LRCH1: variants seen among roughly 807,000 people sequenced by gnomAD.
The protein encoded by LRCH1 is leucine-rich repeat and calponin homology domain-containing protein 1.
Under a neutral mutation model 94.9 loss-of-function variants are expected in LRCH1, and 23 were observed. The observed-to-expected ratio is 0.24, with a 90% CI of 0.17 to 0.34. The LOEUF is 0.34. Ranked by LOEUF, LRCH1 falls within the 10% of genes least tolerant of loss-of-function variation. The pLI, the probability that LRCH1 is intolerant of heterozygous loss-of-function variation, is 1.00. For missense variants in LRCH1, 790 were observed against 945.9 expected, an observed-to-expected ratio of 0.84 and a Z score of 2.16; for synonymous variants, 364 against 354.9, an observed-to-expected ratio of 1.03 and a Z score of -0.29.
chr13:46,553,534 TGGTGGCGGC>T lies in LRCH1; in HGVS notation c.145_153del (p.Gly49_Gly51del). 1.3e-6 allele frequency: 2 copies of T among 1,544,968 alleles called. No individual in the cohort carries two copies. The highest frequency in any genetic ancestry group is 1.7e-6 in the Non-Finnish European group (2 of 1,143,944). The stretch of plus-strand genomic sequence containing the variant: ...GAACCGGCGCCCCCGGCGGGGCGGG[TGGTGGCGGC>T]GGTGGCAGCGGGGGCTTCAACCTGC... On this transcript the variant is annotated inframe_deletion, in exon 1 of 20. Transcript: ENST00000389797.
Position 46,638,844 on chromosome 13 carries a change from CA to C in LRCH1, c.308-11353del, listed in dbSNP as rs2051124410. Among the ~76,000 whole-genome samples, 5 of 152,194 alleles carry C rather than the reference CA, an allele frequency of 3.3e-5. No individual in the cohort carries two copies. The South Asian group carries it at 1.0e-3, about 32-fold the overall frequency. ...ATACGTGGACGTGCTGTTTATACTACAAAACCTCTAGATCCTCTTTACCTTT... is the reference window on the plus strand; with the variant it reads ...ATACGTGGACGTGCTGTTTATACTACAAACCTCTAGATCCTCTTTACCTTT... On this transcript the variant is annotated intron_variant, in intron 1 of 19. Coordinates refer to ENST00000389797, the MANE Select transcript of LRCH1 (RefSeq NM_001164211.2).
At chr13:46,672,595 G>T (rs1307903697) in intron 3 of LRCH1, among the ~76,000 whole-genome samples, 1 of 152,146 alleles carries the variant, frequency 6.6e-6, no homozygotes, top group Non-Finnish European at 1.5e-5. Flanking sequence ...CAGCTGCAGG[G>T]CTGACGTGTA....
At chr13:46,677,145 C>T (rs952476368) in intron 3 of LRCH1, among the ~76,000 whole-genome samples, 1 of 151,388 alleles carries the variant, frequency 6.6e-6, no homozygotes, top group Non-Finnish European at 1.5e-5. Flanking sequence ...CACGGTGGCT[C>T]ACGCCTGTAA....
chr13:46,667,860 C>G lies in LRCH1; in HGVS notation c.453-1170C>G, dbSNP rs368521276. On this transcript the variant is annotated intron_variant, in intron 2 of 19. Transcript: ENST00000389797. ...TAAAAACCATCCATTGTACCTATAC[C>G]CGAAGAGGAGTACCGATAGTATTTT... Among the ~76,000 whole-genome samples the G allele has an allele frequency of 1.2e-3, 185 of 152,214 alleles. 1 individual carries two copies. The highest frequency in any genetic ancestry group is 3.4e-3 in the Middle Eastern group (1 of 294).
intron 2 of LRCH1, among the ~76,000 whole-genome samples, chr13:46,650,640 G>A (rs574553695): frequency 1.4e-5 from 2 of 144,084 alleles, no homozygotes; most frequent in Admixed American, 1.5e-4. Context: ...TAGTTATGTT[G>A]TCTTCAAGTA....
intron 9 of LRCH1, among the ~76,000 whole-genome samples, chr13:46,696,193 TGTACAC>T (rs1392023374): frequency 8.1e-6 from 1 of 123,644 alleles, no homozygotes; most frequent in Non-Finnish European, 1.6e-5. Context: ...CATGCATGTG[TGTACAC>T]ACACACACAC....
At chr13:46,646,628 T>C (rs1400056128) in intron 1 of LRCH1, among the ~76,000 whole-genome samples, 1 of 152,236 alleles carries the variant, frequency 6.6e-6, no homozygotes, top group Non-Finnish European at 1.5e-5. Context: ...GCTTCATTCA[T>C]TTTTATGGCT....
rs567906969 is a variant in LRCH1, at chr13:46,563,874, G to C, written c.307+10171G>C. 1.7e-3 allele frequency among the ~76,000 whole-genome samples: 260 copies of C among 152,252 alleles called. 2 individuals are homozygous for C. Among genetic ancestry groups the C allele is most frequent in the Non-Finnish European group, 1.1e-3 (76 of 68,024 alleles). ...GGCAGTAGGTGCCAGAGCCAGGGCA[G>C]AGTCTCCCAGGCTCACATCAAAGGG... On this transcript the variant is annotated intron_variant, in intron 1 of 19. Transcript: ENST00000389797.
intron 3 of LRCH1, among the ~76,000 whole-genome samples, chr13:46,670,923 CT>C (rs2051592571): frequency 6.6e-6 from 1 of 152,170 alleles, no homozygotes; most frequent in African/African-American, 2.4e-5. Context: ...CCGTTTAATC[CT>C]GCTGAAGTCT....
intron 19 of LRCH1, 76 bp downstream of exon 19, chr13:46,734,074 C>T (rs1182755584): frequency 1.2e-5 from 8 of 676,466 alleles, no homozygotes; most frequent in Admixed American, 9.0e-5. Context: ...ACCATTGAAT[C>T]GATGCAAAGC....
intron 1 of LRCH1, among the ~76,000 whole-genome samples, chr13:46,593,282 CCT>C (rs140031344): frequency 2.1e-5 from 2 of 96,788 alleles, no homozygotes; most frequent in South Asian, 4.0e-4. Flanking sequence ...TTCTTTCTTT[CCT>C]TTTTTTTTTT....
chr13:46,696,195 TACACACACACACACACAC>T (rs10553999), intron 9 of LRCH1, among the ~76,000 whole-genome samples: 155 of 147,202 alleles, frequency 1.1e-3, no homozygotes, highest in Non-Finnish European at 1.9e-3. Flanking sequence ...TGCATGTGTG[TACACACACACACACACAC>T]ACACACACAC....
chr13:46,576,724 CTG>C (rs56737022), intron 1 of LRCH1, among the ~76,000 whole-genome samples: 55,264 of 152,066 alleles, frequency 0.36, 11,808 homozygotes, highest in East Asian at 0.48. Flanking sequence ...TTGCACTTCT[CTG>C]TCTACAGTCT....
intron 2 of LRCH1, among the ~76,000 whole-genome samples, chr13:46,663,400 G>C (rs75828650): frequency 0.027 from 4,161 of 152,240 alleles, 145 homozygotes; most frequent in African/African-American, 0.086. Flanking sequence ...TGTAGGGGAA[G>C]GGCAGGCAAT....
intron 3 of LRCH1, among the ~76,000 whole-genome samples, chr13:46,676,568 T>C (rs1476917977): frequency 6.6e-6 from 1 of 152,166 alleles, no homozygotes; most frequent in African/African-American, 2.4e-5. Context: ...ATTAGTAGCT[T>C]GCAGTTCCTG....
At chr13:46,602,869 A>G (rs1356419774) in intron 1 of LRCH1, among the ~76,000 whole-genome samples, 3 of 152,100 alleles carry the variant, frequency 2.0e-5, no homozygotes, top group Non-Finnish European at 2.9e-5. Context: ...GGATGGATTG[A>G]GCCCCGGAGG....
chr13:46,617,327 A>G (rs2050822059), intron 1 of LRCH1, among the ~76,000 whole-genome samples: 1 of 152,256 alleles, frequency 6.6e-6, no homozygotes, highest in South Asian at 2.1e-4. Context: ...ATCCTGGACC[A>G]GTTACTAACT....
chr13:46,620,045 C>T (rs1332530650), intron 1 of LRCH1, among the ~76,000 whole-genome samples: 3 of 152,104 alleles, frequency 2.0e-5, no homozygotes, highest in Admixed American at 1.3e-4. Context: ...TTCTAGTATT[C>T]GTATTTGATT....
chr13:46,745,051 C>T (rs1873855296), downstream of LRCH1: 1 of 352,336 alleles, frequency 2.8e-6, no homozygotes, highest in Non-Finnish European at 4.0e-6. Context: ...GTCACTGGGA[C>T]ACATGGCCTG....
Sources: allele counts gnomAD v4.1 joint callset (sites outside exome capture counted in the v4.1 genomes callset), GRCh38; gene constraint gnomAD v4.1.1; transcripts MANE v1.5; gene names NCBI Gene and HGNC (gene_info 2026-07-23, HGNC 2026-07-21).